DLG2: variants seen among roughly 807,000 people sequenced by gnomAD.
DLG2 encodes discs large MAGUK scaffold protein 2.
DLG2 carries 45 observed loss-of-function variants against 132.5 expected under a neutral mutation model. The ratio of observed to expected loss-of-function variants is 0.34; its 90% CI spans 0.27 to 0.44. DLG2 has a LOEUF of 0.44. DLG2 is among the 20% of genes least tolerant of loss of function. The pLI is 1.00. For synonymous variants in DLG2, 424 were observed against 419.6 expected (o/e 1.01, Z -0.13); for missense variants, 1,045 against 1,196.9 (o/e 0.87, Z 1.87).
At chr11:83,782,056 T>C (rs561713079) in intron 18 of DLG2, among the ~76,000 whole-genome samples, 90 of 152,298 alleles carry the variant, frequency 5.9e-4, no homozygotes, top group African/African-American at 2.0e-3. Context: ...AGCTGTAGAT[T>C]TTCTGCAATG....
chr11:84,252,661 C>G (rs1450359888), intron 7 of DLG2, among the ~76,000 whole-genome samples: 3 of 152,164 alleles, frequency 2.0e-5, no homozygotes, highest in African/African-American at 7.2e-5. Context: ...ATTGCAATCT[C>G]TATTTGCATC....
chr11:84,478,436 C>T (rs534385108), intron 7 of DLG2, among the ~76,000 whole-genome samples: 29 of 152,134 alleles, frequency 1.9e-4, no homozygotes, highest in South Asian at 2.1e-4. Flanking sequence ...TCAATTTCAT[C>T]GGCAGCATAT....
At chr11:84,934,430 G>A (rs1344558380) in intron 6 of DLG2, among the ~76,000 whole-genome samples, 2 of 144,200 alleles carry the variant, frequency 1.4e-5, no homozygotes, top group Non-Finnish European at 3.0e-5. Flanking sequence ...TTTTGGAGTA[G>A]TTTCAGTAGG....
intron 6 of DLG2, among the ~76,000 whole-genome samples, chr11:84,846,057 T>C (rs564117281): frequency 1.3e-4 from 20 of 152,214 alleles, no homozygotes; most frequent in African/African-American, 4.6e-4. Context: ...CCTTTAAAAG[T>C]TGGAGTTTTC....
chr11:83,833,259 G>A (rs535202408), intron 17 of DLG2, among the ~76,000 whole-genome samples: 37 of 152,242 alleles, frequency 2.4e-4, no homozygotes, highest in East Asian at 7.7e-4. Flanking sequence ...ACAACATGGC[G>A]AAACCCTGTC....
chr11:84,592,837 C>A (rs1025120480), intron 6 of DLG2, among the ~76,000 whole-genome samples: 2 of 144,814 alleles, frequency 1.4e-5, no homozygotes, highest in African/African-American at 5.2e-5. Flanking sequence ...GGATTACAGG[C>A]CTGTAATCCC....
intron 4 of DLG2, among the ~76,000 whole-genome samples, chr11:85,195,141 G>A (rs542780067): frequency 1.2e-4 from 18 of 152,302 alleles, no homozygotes; most frequent in South Asian, 1.0e-3. Context: ...TAGTGGCTGA[G>A]GGTGGGAGAT....
intron 14 of DLG2, among the ~76,000 whole-genome samples, chr11:83,956,464 G>A (rs1487563042): frequency 6.6e-6 from 1 of 152,218 alleles, no homozygotes; most frequent in Admixed American, 6.5e-5. Flanking sequence ...CCCTCCAGGA[G>A]ACATGCCTTG....
At chr11:84,192,666 G>A (rs1334681153) in intron 8 of DLG2, among the ~76,000 whole-genome samples, 1 of 152,108 alleles carries the variant, frequency 6.6e-6, no homozygotes, top group African/African-American at 2.4e-5. Context: ...GGAGGTGGAG[G>A]TTGCAGTGAG....
At chr11:85,222,954 C>T (rs928712781) in intron 4 of DLG2, among the ~76,000 whole-genome samples, 12 of 152,118 alleles carry the variant, frequency 7.9e-5, no homozygotes, top group African/African-American at 2.9e-4. Context: ...GAATGCCTGG[C>T]ATTAGTGGGC....
intron 19 of DLG2, among the ~76,000 whole-genome samples, chr11:83,566,078 C>G (rs1593326257): frequency 6.6e-6 from 1 of 152,144 alleles, no homozygotes; most frequent in Non-Finnish European, 1.5e-5. Flanking sequence ...ATTTCTAGTA[C>G]AAAATGACTT....
At chr11:84,280,914 G>C (rs1020443845) in intron 7 of DLG2, among the ~76,000 whole-genome samples, 16 of 137,174 alleles carry the variant, frequency 1.2e-4, no homozygotes, top group South Asian at 4.6e-4. Context: ...GTAGAGACGG[G>C]GTTTTACTGT....
intron 18 of DLG2, among the ~76,000 whole-genome samples, chr11:83,768,410 T>C (rs1160210727): frequency 6.6e-6 from 1 of 152,196 alleles, no homozygotes; most frequent in Non-Finnish European, 1.5e-5. Context: ...AAATTCAAAA[T>C]TGCTATTATT....
At chr11:84,270,075 G>C (rs1035366851) in intron 7 of DLG2, among the ~76,000 whole-genome samples, 1 of 152,134 alleles carries the variant, frequency 6.6e-6, no homozygotes, top group Non-Finnish European at 1.5e-5. Context: ...TACTAATTAT[G>C]AGACTGTTTT....
chr11:85,018,454 T>G (rs1260412784), intron 6 of DLG2, among the ~76,000 whole-genome samples: 2 of 147,710 alleles, frequency 1.4e-5, no homozygotes, highest in Non-Finnish European at 3.0e-5. Flanking sequence ...TAAAATCAGT[T>G]AGAAAGCTAA....
intron 9 of DLG2, among the ~76,000 whole-genome samples, chr11:84,122,681 T>G (rs1465734295): frequency 6.6e-6 from 1 of 152,238 alleles, no homozygotes; most frequent in Non-Finnish European, 1.5e-5. Flanking sequence ...AATAAACTAA[T>G]GTTCTTTTCA....
chr11:83,905,855 G>C (rs747791389), intron 15 of DLG2, among the ~76,000 whole-genome samples: 1 of 152,036 alleles, frequency 6.6e-6, no homozygotes. Context: ...CTGTGTGATA[G>C]GGTGGGCCAA....
chr11:84,131,814 G>A (rs2094434454), intron 9 of DLG2, among the ~76,000 whole-genome samples: 2 of 151,862 alleles, frequency 1.3e-5, no homozygotes, highest in African/African-American at 2.4e-5. Flanking sequence ...TGTACAGAAT[G>A]GTTTTCTTTT....
chr11:84,105,955 G>C (rs1244683065), intron 9 of DLG2, among the ~76,000 whole-genome samples: 1 of 151,998 alleles, frequency 6.6e-6, no homozygotes, highest in Non-Finnish European at 1.5e-5. Context: ...ACTATATGTT[G>C]TTTTCAAATA....
Sources: gnomAD v4.1 joint callset for allele counts (sites outside exome capture counted in the v4.1 genomes callset) on GRCh38, gnomAD v4.1.1 for gene constraint, MANE v1.5 for transcripts, NCBI Gene and HGNC (gene_info 2026-07-23, HGNC 2026-07-21) for gene names.